Variants in A1CF observed in about 807,000 individuals in gnomAD.
The protein encoded by A1CF is APOBEC1 complementation factor, also known as APOBEC-1 stimulating protein.
In A1CF, 48 loss-of-function variants were observed where a neutral mutation model predicts 68.9. The observed-to-expected ratio is 0.70, with a 90% CI of 0.55 to 0.89. The LOEUF (loss-of-function observed/expected upper bound fraction) is 0.89, where lower values mean the gene tolerates loss of function less well. Ranked by LOEUF, A1CF falls within the 40% of genes least tolerant of loss-of-function variation. The pLI is 0.00. For synonymous variants in A1CF, 272 were observed against 260.4 expected, an observed-to-expected ratio of 1.04 and a Z score of -0.43; for missense variants, 653 against 718.9, an observed-to-expected ratio of 0.91 and a Z score of 1.05.
chr10:50,842,070 C>T, intron 4 of A1CF, 78 bp from the exon 5 acceptor site: 2 of 1,263,788 alleles, frequency 1.6e-6, no homozygotes, highest in Non-Finnish European at 2.2e-6. Flanking sequence ...CTGATACACA[C>T]ACAAACACAC....
intron 1 of A1CF, among the ~76,000 whole-genome samples, chr10:50,881,232 G>A (rs1841760628): frequency 1.3e-5 from 2 of 152,086 alleles, no homozygotes; most frequent in Non-Finnish European, 2.9e-5. Context: ...CAGGTGATCT[G>A]CCTGCCTTGG....
Position 50,815,888 on chromosome 10 carries a change from A to G in A1CF, c.1141+118T>C, listed in dbSNP as rs143215497. 9.3e-5 allele frequency: 114 copies of G among 1,223,236 alleles called. No individual in the cohort carries two copies. The East Asian group carries it at 2.5e-3, about 27-fold the overall frequency. The allele number at this position is 1,223,236 out of a possible 1,614,324, so 75.8% of individuals were successfully genotyped here. ...CTATTGATATAATAGTTGATTTTTAATAAACAATTTTTCAGTGCTTTTCTC... is the reference window on the plus strand; with the variant it reads ...CTATTGATATAATAGTTGATTTTTAGTAAACAATTTTTCAGTGCTTTTCTC... On this transcript the variant is annotated intron_variant, in intron 9 of 12. Transcript: ENST00000373997.
intron 3 of A1CF, among the ~76,000 whole-genome samples, chr10:50,848,981 A>G (rs1316126918): frequency 6.6e-6 from 1 of 152,184 alleles, no homozygotes; most frequent in Non-Finnish European, 1.5e-5. Context: ...TCATGAGTCT[A>G]TACTGTATTT....
chr10:50,882,759 T>C (rs1327005149), intron 1 of A1CF, among the ~76,000 whole-genome samples: 1 of 152,184 alleles, frequency 6.6e-6, no homozygotes, highest in Non-Finnish European at 1.5e-5. Context: ...CTGTCTTGTT[T>C]GAACTTATTG....
chr10:50,850,304 G>T (rs902984025), intron 3 of A1CF, among the ~76,000 whole-genome samples: 4 of 152,162 alleles, frequency 2.6e-5, no homozygotes, highest in African/African-American at 9.7e-5. Context: ...GGAAGCAGAA[G>T]TAATTTATGT....
intron 6 of A1CF, 115 bp downstream of exon 6, chr10:50,835,959 A>G: frequency 5.0e-6 from 5 of 1,000,768 alleles, no homozygotes; most frequent in Non-Finnish European, 7.3e-6. Flanking sequence ...AGGATAAAAA[A>G]TTTAAAATAC....
chr10:50,807,192 G>A (rs948523315), intron 12 of A1CF, among the ~76,000 whole-genome samples: 1 of 152,088 alleles, frequency 6.6e-6, no homozygotes, highest in African/African-American at 2.4e-5. Flanking sequence ...ATACTGAGTT[G>A]ATTAAAGCTT....
chr10:50,842,141 T>C (rs1839812271), intron 4 of A1CF, 149 bp from the exon 5 acceptor site: 1 of 652,488 alleles, frequency 1.5e-6, no homozygotes. Flanking sequence ...TTGCATCCCA[T>C]GTGGAATGGT....
chr10:50,838,375 T>G (rs938486581), intron 5 of A1CF, among the ~76,000 whole-genome samples: 1 of 152,230 alleles, frequency 6.6e-6, no homozygotes, highest in Non-Finnish European at 1.5e-5. Context: ...TTCCAAGTTT[T>G]TTTTTAAACT....
At chr10:50,833,169 C>G (rs1588994206) in intron 6 of A1CF, among the ~76,000 whole-genome samples, 1 of 152,146 alleles carries the variant, frequency 6.6e-6, no homozygotes. Flanking sequence ...TCAGGTAATT[C>G]CAATGTGCAG....
chr10:50,814,865 G>T (rs1052891543), intron 9 of A1CF, among the ~76,000 whole-genome samples: 1 of 151,980 alleles, frequency 6.6e-6, no homozygotes, highest in Non-Finnish European at 1.5e-5. Flanking sequence ...TATTCTAAAT[G>T]CATAATGTTG....
intron 10 of A1CF, among the ~76,000 whole-genome samples, chr10:50,813,654 A>T (rs180896090): frequency 2.4e-4 from 36 of 152,258 alleles, no homozygotes; most frequent in African/African-American, 7.9e-4. Context: ...ATGATTTTTT[A>T]AAAAAGAGAA....
chr10:50,816,399 G>C, intron 8 of A1CF, 120 bp from the exon 9 acceptor site: 6 of 1,154,464 alleles, frequency 5.2e-6, no homozygotes, highest in Non-Finnish European at 7.3e-6. Flanking sequence ...TTTATTGATT[G>C]TATCTTGTCA....
At chr10:50,853,830 A>C (rs1840360059) in intron 3 of A1CF, among the ~76,000 whole-genome samples, 1 of 151,872 alleles carries the variant, frequency 6.6e-6, no homozygotes, top group Non-Finnish European at 1.5e-5. Flanking sequence ...ATGTAAAAAA[A>C]AAATCATATC....
At chr10:50,822,698 G>A (rs936951830) in intron 7 of A1CF, 8 of 152,202 alleles carry the variant, frequency 5.3e-5, no homozygotes, top group African/African-American at 1.9e-4. Flanking sequence ...CATGAAGCAT[G>A]AGACATATAA....
intron 3 of A1CF, among the ~76,000 whole-genome samples, chr10:50,849,992 C>G (rs1224778001): frequency 6.6e-6 from 1 of 151,942 alleles, no homozygotes; most frequent in East Asian, 1.9e-4. Context: ...GACGGAGTTT[C>G]ACTGTGTTAG....
intron 3 of A1CF, among the ~76,000 whole-genome samples, chr10:50,853,751 T>C: frequency 6.7e-5 from 1 of 14,842 alleles, no homozygotes; most frequent in Admixed American, 6.1e-4. Context: ...GAGTCAGCAA[T>C]TTTTTTTTTT....
intron 6 of A1CF, among the ~76,000 whole-genome samples, chr10:50,831,508 C>A (rs965643990): frequency 2.0e-5 from 3 of 152,174 alleles, no homozygotes; most frequent in African/African-American, 7.2e-5. Flanking sequence ...GCTGGCAGAT[C>A]ATCTGAGGTC....
At chr10:50,852,805 C>A (rs1007129165) in intron 3 of A1CF, among the ~76,000 whole-genome samples, 9 of 152,074 alleles carry the variant, frequency 5.9e-5, no homozygotes, top group African/African-American at 2.2e-4. Context: ...AATTAGTAAA[C>A]CTGAGACCCT....
Sources: gnomAD v4.1 joint callset for allele counts (sites outside exome capture counted in the v4.1 genomes callset) on GRCh38, gnomAD v4.1.1 for gene constraint, MANE v1.5 for transcripts, NCBI Gene and HGNC (gene_info 2026-07-23, HGNC 2026-07-21) for gene names.